Variants in HYAL4 observed in about 807,000 individuals in gnomAD.
The protein encoded by HYAL4 is hyaluronidase 4.
Under a neutral mutation model 35.2 loss-of-function variants are expected in HYAL4, and 37 were observed. That is an observed-to-expected ratio of 1.05 (90% CI 0.81 to 1.38). The LOEUF is 1.38. Ranked by LOEUF, HYAL4 falls within the 40% of genes most tolerant of loss-of-function variation. The pLI, the probability that HYAL4 is intolerant of heterozygous loss-of-function variation, is 0.00. For missense variants in HYAL4, 572 were observed against 572.4 expected (o/e 1.00, Z 0.01); for synonymous variants, 198 against 203.2 (o/e 0.97, Z 0.22).
intron 2 of HYAL4, among the ~76,000 whole-genome samples, chr7:123,849,102 A>T (rs564698044): frequency 1.3e-5 from 2 of 152,360 alleles, no homozygotes; most frequent in South Asian, 4.1e-4. Flanking sequence ...GTTAAAGAGA[A>T]ATCTTAAAGT....
At chr7:123,797,050 C>T in the HYAL4 span, among the ~76,000 whole-genome samples, 1 of 152,190 alleles carries the variant, frequency 6.6e-6, no homozygotes, top group Admixed American at 6.5e-5. Flanking sequence ...TCACAGAAGC[C>T]TACTGACTAG....
the HYAL4 span, among the ~76,000 whole-genome samples, chr7:123,823,163 G>T: frequency 6.6e-5 from 10 of 152,016 alleles, no homozygotes; most frequent in Admixed American, 3.9e-4. Context: ...CTGTGAAGGG[G>T]TGTTAAATTT....
chr7:123,812,366 G>A, the HYAL4 span, among the ~76,000 whole-genome samples: 2 of 149,092 alleles, frequency 1.3e-5, no homozygotes, highest in Non-Finnish European at 3.0e-5. Context: ...AATCTCAGCA[G>A]CATGTAGAAA....
chr7:123,790,173 G>A, the HYAL4 span, among the ~76,000 whole-genome samples: 2 of 152,198 alleles, frequency 1.3e-5, no homozygotes, highest in Non-Finnish European at 2.9e-5. Context: ...TTGACCGTCA[G>A]AGCTGTCATG....
chr7:123,803,341 T>G, the HYAL4 span, among the ~76,000 whole-genome samples: 1 of 152,214 alleles, frequency 6.6e-6, no homozygotes. Context: ...CATTTGCATG[T>G]AAAAAAGAAT....
At chr7:123,764,005 G>A in the HYAL4 span, among the ~76,000 whole-genome samples, 16 of 152,136 alleles carry the variant, frequency 1.1e-4, no homozygotes, top group Non-Finnish European at 7.4e-5. Context: ...TGTTTTTTGA[G>A]ACAGTTTCAC....
the HYAL4 span, chr7:123,815,092 T>G: frequency 6.6e-6 from 1 of 152,644 alleles, no homozygotes; most frequent in African/African-American, 2.4e-5. Flanking sequence ...AATAACTATA[T>G]AAAGCCTATA....
At chr7:123,821,289 T>C in the HYAL4 span, among the ~76,000 whole-genome samples, 2 of 152,308 alleles carry the variant, frequency 1.3e-5, no homozygotes, top group East Asian at 3.9e-4. Flanking sequence ...GGTATGGGGG[T>C]TCCCATTTCT....
the HYAL4 span, among the ~76,000 whole-genome samples, chr7:123,779,144 G>A: frequency 2.0e-5 from 3 of 151,902 alleles, no homozygotes; most frequent in Admixed American, 2.0e-4. Context: ...ATTTTAAAAT[G>A]AATTAATAAA....
chr7:123,785,943 G>GAAAACAAAAC, the HYAL4 span, among the ~76,000 whole-genome samples: 1,302 of 150,978 alleles, frequency 8.6e-3, 20 homozygotes, highest in African/African-American at 0.03. This position sits in a 1 kb window ranked among gnomAD's most constrained non-coding sequence, Gnocchi z 4.5. Flanking sequence ...GTAGAAACAA[G>GAAAACAAAAC]AAAACAAAAC....
chr7:123,819,079 C>G, the HYAL4 span, among the ~76,000 whole-genome samples: 1 of 152,170 alleles, frequency 6.6e-6, no homozygotes, highest in Admixed American at 6.6e-5. Context: ...ACCAACATCT[C>G]CTCAATCCCC....
At chr7:123,869,840 C>G (rs145171359) in intron 3 of HYAL4, among the ~76,000 whole-genome samples, 15 of 146,220 alleles carry the variant, frequency 1.0e-4, no homozygotes, top group South Asian at 4.6e-4. Context: ...GGTGCTCACC[C>G]CCCCCCACCC....
At chr7:123,873,299 A>C (rs1806930437) in intron 3 of HYAL4, among the ~76,000 whole-genome samples, 1 of 152,140 alleles carries the variant, frequency 6.6e-6, no homozygotes, top group Non-Finnish European at 1.5e-5. Context: ...CCTGTTCAAC[A>C]GATATTATAA....
At chr7:123,856,306 T>G (rs1323014940) in intron 2 of HYAL4, among the ~76,000 whole-genome samples, 1 of 152,174 alleles carries the variant, frequency 6.6e-6, no homozygotes. Flanking sequence ...ATTTTTGCAC[T>G]GGTTTTTCCT....
At chr7:123,812,098 C>T in the HYAL4 span, among the ~76,000 whole-genome samples, 2 of 152,082 alleles carry the variant, frequency 1.3e-5, no homozygotes, top group Non-Finnish European at 2.9e-5. Flanking sequence ...CCTCGGCCTC[C>T]CAAAGTGCTG....
upstream of HYAL4, among the ~76,000 whole-genome samples, chr7:123,828,804 T>C (rs1805838193): frequency 2.6e-5 from 4 of 152,214 alleles, no homozygotes; most frequent in African/African-American, 9.6e-5. Context: ...CACATGACCC[T>C]ATAAAGGCTT....
chr7:123,869,736 G>A (rs967497006), intron 3 of HYAL4, among the ~76,000 whole-genome samples: 1 of 151,438 alleles, frequency 6.6e-6, no homozygotes, highest in Non-Finnish European at 1.5e-5. Flanking sequence ...CACCTAGGCT[G>A]GAGTGTAATG....
the HYAL4 span, among the ~76,000 whole-genome samples, chr7:123,807,329 A>G: frequency 2.0e-4 from 30 of 152,126 alleles, no homozygotes; most frequent in East Asian, 5.4e-3. Context: ...ACCATAAATA[A>G]TGTGCAGGTT....
the HYAL4 span, among the ~76,000 whole-genome samples, chr7:123,779,855 CATT>C: frequency 2.6e-5 from 4 of 152,128 alleles, no homozygotes; most frequent in South Asian, 2.1e-4. Context: ...TATGAGTACT[CATT>C]ATCTATTTAT....
Sources: gnomAD v4.1 joint callset for allele counts (sites outside exome capture counted in the v4.1 genomes callset) on GRCh38, gnomAD v4.1.1 for gene constraint, Gnocchi (gnomAD v3.1) non-coding constraint, MANE v1.5 for transcripts, NCBI Gene and HGNC (gene_info 2026-07-23, HGNC 2026-07-21) for gene names.